The following RALGAPA1 variants were observed in gnomAD, a reference collection of about 807,000 sequenced individuals.
RALGAPA1 encodes the protein Ral GTPase activating protein catalytic subunit alpha 1.
Under a neutral mutation model 269.6 loss-of-function variants are expected in RALGAPA1, and 52 were observed. That is an observed-to-expected ratio of 0.19 (90% CI 0.15 to 0.24). The LOEUF (loss-of-function observed/expected upper bound fraction) is 0.24, where lower values mean the gene tolerates loss of function less well. Ranked by LOEUF, RALGAPA1 falls within the 10% of genes least tolerant of loss-of-function variation. The probability of loss-of-function intolerance (pLI) is 1.00; values close to 1 mark genes in which losing one functional copy is unlikely to be tolerated. For missense variants in RALGAPA1, 1,917 were observed against 3,013.9 expected, an observed-to-expected ratio of 0.64 and a Z score of 8.52; for synonymous variants, 817 against 1,008.3, an observed-to-expected ratio of 0.81 and a Z score of 3.60.
At chr14:35,630,139 T>C (rs541864789) in intron 33 of RALGAPA1, among the ~76,000 whole-genome samples, 1 of 152,352 alleles carries the variant, frequency 6.6e-6, no homozygotes, top group African/African-American at 2.4e-5. Context: ...CCATTGATGT[T>C]AATACCATCT....
At position 35,634,694 on chromosome 14, in the gene RALGAPA1, G is replaced by A. The variant is rs777655656; in HGVS notation, c.5875C>T (p.Leu1959Phe). ...FSNPRYFPMSLSDLASVDYDP... is the reference protein window; with the variant it reads ...FSNPRYFPMSFSDLASVDYDP... ...TAATCTACAGATGCCAAATCAGAGA[G>A]GCTCATGGGAAAATACCTTGGATTG... is the stretch of plus-strand genomic sequence containing the variant. Residue 1959 changes from leucine to phenylalanine, a missense_variant, in exon 33 of 42, where the codon CTC becomes TTC. Leu to Phe is a conservative substitution (Grantham distance 22). This residue lies in a region of RALGAPA1 where 346 missense variants were observed against 566.1 expected (regional missense o/e 0.61). Coordinates refer to ENST00000680220, the MANE Select transcript of RALGAPA1 (RefSeq NM_001346249.2). 2 of 1,613,284 alleles carry A rather than the reference G, an allele frequency of 1.2e-6. No homozygotes were observed. The highest frequency in any genetic ancestry group is 1.1e-5 in the South Asian group (1 of 91,026).
intron 37 of RALGAPA1, among the ~76,000 whole-genome samples, chr14:35,576,232 T>C (rs2057552164): frequency 1.3e-5 from 2 of 152,246 alleles, no homozygotes; most frequent in Admixed American, 1.3e-4. Flanking sequence ...AGTGGGGCTG[T>C]TTCTTCCTTC....
intron 27 of RALGAPA1, among the ~76,000 whole-genome samples, chr14:35,661,554 A>T (rs2063538773): frequency 6.6e-6 from 1 of 152,168 alleles, no homozygotes; most frequent in South Asian, 2.1e-4. Flanking sequence ...CAGAAACATC[A>T]ACAGGGTCAA....
intron 1 of RALGAPA1, among the ~76,000 whole-genome samples, chr14:35,791,582 G>C (rs1376495047): frequency 6.6e-6 from 1 of 151,462 alleles, no homozygotes; most frequent in Non-Finnish European, 1.5e-5. Flanking sequence ...ACCCTAGCCT[G>C]GGAGACAAGA....
intron 16 of RALGAPA1, among the ~76,000 whole-genome samples, chr14:35,705,237 G>C (rs2067702381): frequency 6.6e-6 from 1 of 152,142 alleles, no homozygotes; most frequent in Admixed American, 6.5e-5. Flanking sequence ...TTTTGAGAAA[G>C]TATAGTGACA....
chr14:35,610,705 A>G (rs2059877701), intron 35 of RALGAPA1, among the ~76,000 whole-genome samples: 2 of 152,212 alleles, frequency 1.3e-5, no homozygotes, highest in Admixed American at 1.3e-4. Context: ...TCTGACTTGC[A>G]CATGAGGTGA....
In RALGAPA1 at chr14:35,696,058, T is replaced by C. The variant is rs78609532; in HGVS notation, c.2407+4104A>G. The stretch of plus-strand genomic sequence containing the variant: ...GATGTTAAGAAACAGTGCATTGACA[T>C]AGTGCTAATGCCCACAAACTGGTCC... On this transcript the variant is annotated intron_variant, in intron 17 of 41. Transcript: ENST00000680220. 4.6e-3 allele frequency among the ~76,000 whole-genome samples: 702 copies of C among 152,322 alleles called. 9 individuals are homozygous for C. Among genetic ancestry groups the C allele is most frequent in the African/African-American group, 0.016 (676 of 41,590 alleles).
intron 16 of RALGAPA1, among the ~76,000 whole-genome samples, chr14:35,716,337 G>A (rs985643146): frequency 6.9e-6 from 1 of 145,588 alleles, no homozygotes; most frequent in Non-Finnish European, 1.5e-5. Flanking sequence ...GGCGGAGGTT[G>A]CAGTGAGCTG....
intron 39 of RALGAPA1, among the ~76,000 whole-genome samples, chr14:35,563,141 C>G (rs896100525): frequency 4.0e-5 from 6 of 151,344 alleles, no homozygotes; most frequent in East Asian, 2.0e-4. Context: ...CTACCATAGG[C>G]TAGGCACTGT....
chr14:35,640,653 C>T (rs1226095704), intron 31 of RALGAPA1, among the ~76,000 whole-genome samples: 1 of 152,076 alleles, frequency 6.6e-6, no homozygotes, highest in Admixed American at 6.5e-5. Flanking sequence ...CTAAATTCTA[C>T]CAAACATTTA....
intron 41 of RALGAPA1, chr14:35,541,788 T>G: frequency 2.2e-6 from 1 of 457,170 alleles, no homozygotes; most frequent in Non-Finnish European, 4.4e-6. Context: ...GGAAGAGAAC[T>G]ATCACTGCAT....
chr14:35,612,702 C>T (rs1306670274), intron 35 of RALGAPA1, among the ~76,000 whole-genome samples: 2 of 151,972 alleles, frequency 1.3e-5, no homozygotes, highest in Non-Finnish European at 2.9e-5. Flanking sequence ...CCACGCCCCG[C>T]TAATTTTTTG....
rs1026628291 is a variant in RALGAPA1 at position 35,659,173 on chromosome 14, T to C, written c.5352A>G (p.Leu1784=). 1.2e-6 allele frequency: 2 copies of C among 1,611,134 alleles called. No homozygotes were observed. Among genetic ancestry groups the C allele is most frequent in the Admixed American group, 1.7e-5 (1 of 59,470 alleles). ...DVKELIIKTV[L]SSARDEPSGP... is the part of the protein sequence containing the mutation. Reference sequence around the variant, plus strand: ...CAGAGGGCTCATCTCTTGCCGAGCTTAATACAGTTTTGATTATAAGTTCCT... The same window carrying C: ...CAGAGGGCTCATCTCTTGCCGAGCTCAATACAGTTTTGATTATAAGTTCCT... Residue 1784 remains leucine, a synonymous_variant, in exon 28 of 42, where the codon TTA becomes TTG. Transcript: ENST00000680220.
intron 15 of RALGAPA1, among the ~76,000 whole-genome samples, chr14:35,722,817 A>G (rs752982105): frequency 6.6e-6 from 1 of 152,292 alleles, no homozygotes; most frequent in Non-Finnish European, 1.5e-5. Context: ...TTTTAAATAG[A>G]GTAACATTAA....
At position 35,595,652 on chromosome 14, in the gene RALGAPA1, A is replaced by T. The variant is rs780751670; in HGVS notation, c.7191T>A (p.Asp2397Glu). The change falls in exon 37 of 42, where the codon GAT (aspartate) becomes GAA (glutamate). Residue 2397 changes from aspartate to glutamate, a missense_variant. By Grantham distance (45) the Asp-to-Glu change is conservative (BLOSUM62 2). Around this residue, in one of 11 missense-constraint regions of RALGAPA1, gnomAD observed 132 missense variants for 271.2 expected, o/e 0.49. Transcript: ENST00000680220. ...HVSTRMPSDS[D>E]DSLTKKLRHL... ...CACTTACTTTTTTGGTCAAAGAATCATCAGAATCAGAAGGCATTCTTGTTG... is the reference window on the plus strand; with the variant it reads ...CACTTACTTTTTTGGTCAAAGAATCTTCAGAATCAGAAGGCATTCTTGTTG... 2 of 1,611,906 alleles carry T rather than the reference A, an allele frequency of 1.2e-6. No homozygotes were observed. The highest frequency in any genetic ancestry group is 8.5e-7 in the Non-Finnish European group (1 of 1,179,114).
At chr14:35,773,074 T>C (rs910370249) in intron 3 of RALGAPA1, among the ~76,000 whole-genome samples, 9 of 152,208 alleles carry the variant, frequency 5.9e-5, no homozygotes, top group African/African-American at 1.4e-4. Flanking sequence ...GATAAACTTA[T>C]AGAAAAGTTG....
intron 1 of RALGAPA1, among the ~76,000 whole-genome samples, chr14:35,789,409 C>T (rs932199882): frequency 6.6e-6 from 1 of 151,860 alleles, no homozygotes; most frequent in Non-Finnish European, 1.5e-5. Flanking sequence ...CCCTGGGCAA[C>T]ACGGTGAAAT....
At chr14:35,645,643 T>C (rs958351552) in intron 31 of RALGAPA1, among the ~76,000 whole-genome samples, 3 of 145,864 alleles carry the variant, frequency 2.1e-5, no homozygotes, top group Non-Finnish European at 3.0e-5. Flanking sequence ...GGCAGGAGAA[T>C]GGCGTGAACC....
At chr14:35,719,735 A>C (rs536858596) in intron 16 of RALGAPA1, among the ~76,000 whole-genome samples, 1 of 152,300 alleles carries the variant, frequency 6.6e-6, no homozygotes, top group South Asian at 2.1e-4. Flanking sequence ...TAGACTTAAA[A>C]GAACAATTTC....
Sources: allele counts gnomAD v4.1 joint callset (sites outside exome capture counted in the v4.1 genomes callset), GRCh38; gene constraint gnomAD v4.1.1; regional missense constraint gnomAD v4.1.1; transcripts MANE v1.5; gene names NCBI Gene and HGNC (gene_info 2026-07-23, HGNC 2026-07-21).